The following TP63 variants were observed in gnomAD, a reference collection of about 807,000 sequenced individuals.
TP63 encodes the protein tumor protein 63.
Under a neutral mutation model 82.8 loss-of-function variants are expected in TP63, and 17 were observed. The observed-to-expected ratio is 0.21, with a 90% CI of 0.14 to 0.31. The LOEUF (loss-of-function observed/expected upper bound fraction) is 0.31. Among genes scored for constraint, TP63 ranks in the 10% least tolerant of loss-of-function variants. TP63 has a pLI of 1.00. For synonymous variants in TP63, 330 were observed against 321.7 expected (o/e 1.03, Z -0.28); for missense variants, 648 against 895.3 (o/e 0.72, Z 3.52).
chr3:189,846,058 G>A (rs1714820920), intron 4 of TP63, among the ~76,000 whole-genome samples: 2 of 152,020 alleles, frequency 1.3e-5, no homozygotes, highest in Admixed American at 6.6e-5. Context: ...CCAGCCAAAA[G>A]CGTGTAATAT....
intron 3 of TP63, among the ~76,000 whole-genome samples, chr3:189,798,014 A>C (rs368616931): frequency 3.3e-5 from 5 of 151,934 alleles, no homozygotes; most frequent in African/African-American, 1.2e-4. Flanking sequence ...TGTACACCAG[A>C]TCCTTCCTCC....
chr3:189,810,580 G>A (rs1340972678), intron 4 of TP63, among the ~76,000 whole-genome samples: 1 of 151,972 alleles, frequency 6.6e-6, no homozygotes, highest in African/African-American at 2.4e-5. Flanking sequence ...CTTAAAAGCC[G>A]GGCGTGGTGG....
intron 4 of TP63, among the ~76,000 whole-genome samples, chr3:189,809,307 T>A (rs1322127465): frequency 1.3e-5 from 2 of 152,164 alleles, no homozygotes; most frequent in Admixed American, 1.3e-4. Flanking sequence ...GAAATTGTTT[T>A]AAAAAATCTT....
chr3:189,768,819 G>A (rs933930008), intron 3 of TP63, among the ~76,000 whole-genome samples: 5 of 152,134 alleles, frequency 3.3e-5, no homozygotes, highest in African/African-American at 1.2e-4. Flanking sequence ...AACGGATAAA[G>A]CATGGAGCTG....
At chr3:189,738,583 A>G in intron 2 of TP63, 59 bp from the exon 3 acceptor site, 2 of 1,612,958 alleles carry the variant, frequency 1.2e-6, no homozygotes, top group Admixed American at 1.7e-5. Context: ...TAACAACAGC[A>G]TGAGTATATT....
At chr3:189,716,255 C>G (rs1250762411) in intron 1 of TP63, among the ~76,000 whole-genome samples, 2 of 152,100 alleles carry the variant, frequency 1.3e-5, no homozygotes, top group African/African-American at 4.8e-5. Context: ...GTATAATGTC[C>G]AATTTTATAA....
chr3:189,808,209 T>G, intron 3 of TP63, 63 bp from the exon 4 acceptor site: 1 of 1,614,138 alleles, frequency 6.2e-7, no homozygotes, highest in South Asian at 1.1e-5. Flanking sequence ...ATGGATGCCT[T>G]TTTTTGGAGC....
chr3:189,766,874 A>G (rs1173059120), intron 3 of TP63, among the ~76,000 whole-genome samples: 2 of 152,118 alleles, frequency 1.3e-5, no homozygotes, highest in African/African-American at 4.8e-5. Context: ...CTTGGTTGCA[A>G]TTGTTCTTTG....
At chr3:189,665,637 A>ATATGAAGTTATTT in intron 1 of TP63, among the ~76,000 whole-genome samples, 1 of 152,078 alleles carries the variant, frequency 6.6e-6, no homozygotes, top group Non-Finnish European at 1.5e-5. Flanking sequence ...AACACTAATT[A>ATATGAAGTTATTT]ATTCTGGAGT....
At chr3:189,847,615 A>G (rs1715059485) in intron 4 of TP63, among the ~76,000 whole-genome samples, 2 of 152,198 alleles carry the variant, frequency 1.3e-5, no homozygotes, top group South Asian at 2.1e-4. Context: ...TTAGATTTGC[A>G]TAATGCAAAG....
At chr3:189,642,932 T>G (rs1480878118) in intron 1 of TP63, among the ~76,000 whole-genome samples, 1 of 152,140 alleles carries the variant, frequency 6.6e-6, no homozygotes, top group African/African-American at 2.4e-5. Flanking sequence ...AGAGGAAATA[T>G]ATTTCCAAGT....
chr3:189,640,818 C>A (rs1711786033), intron 1 of TP63, among the ~76,000 whole-genome samples: 1 of 152,052 alleles, frequency 6.6e-6, no homozygotes, highest in Admixed American at 6.6e-5. Flanking sequence ...CCTGAAAAAG[C>A]TAAAAATATT....
At chr3:189,821,830 A>T (rs1205766073) in intron 4 of TP63, among the ~76,000 whole-genome samples, 1 of 152,228 alleles carries the variant, frequency 6.6e-6, no homozygotes, top group Non-Finnish European at 1.5e-5. Context: ...TAATTACGAG[A>T]TATCGTATAA....
chr3:189,643,942 C>G (rs1577165407), intron 1 of TP63, among the ~76,000 whole-genome samples: 1 of 152,200 alleles, frequency 6.6e-6, no homozygotes, highest in Non-Finnish European at 1.5e-5. Context: ...TGACAATACA[C>G]TGATCTTCAG....
intron 3 of TP63, among the ~76,000 whole-genome samples, chr3:189,771,061 G>A (rs1369805163): frequency 6.6e-6 from 1 of 151,480 alleles, no homozygotes; most frequent in Non-Finnish European, 1.5e-5. Flanking sequence ...TTAATTAACT[G>A]TTATGAAAAG....
At chr3:189,754,477 A>T (rs1042533316) in intron 3 of TP63, among the ~76,000 whole-genome samples, 1 of 152,200 alleles carries the variant, frequency 6.6e-6, no homozygotes, top group Admixed American at 6.5e-5. Context: ...TGAACATATC[A>T]GTGGCCTACT....
chr3:189,781,292 G>T (rs529241463), intron 3 of TP63, among the ~76,000 whole-genome samples: 2 of 152,192 alleles, frequency 1.3e-5, no homozygotes, highest in Non-Finnish European at 2.9e-5. Flanking sequence ...GTGAAAACGG[G>T]GTTCTTGGAG....
At chr3:189,656,473 A>G (rs1713373358) in intron 1 of TP63, among the ~76,000 whole-genome samples, 1 of 152,080 alleles carries the variant, frequency 6.6e-6, no homozygotes, top group South Asian at 2.1e-4. Flanking sequence ...CAATGAATAA[A>G]AAGAGTTTCA....
chr3:189,689,514 C>T (rs1716745433), intron 1 of TP63, among the ~76,000 whole-genome samples: 1 of 152,014 alleles, frequency 6.6e-6, no homozygotes, highest in South Asian at 2.1e-4. Flanking sequence ...TGTTCTACAA[C>T]AAAAATTCTT....
Sources: gnomAD v4.1 joint callset for allele counts (sites outside exome capture counted in the v4.1 genomes callset) on GRCh38, gnomAD v4.1.1 for gene constraint, MANE v1.5 for transcripts, NCBI Gene and HGNC (gene_info 2026-07-23, HGNC 2026-07-21) for gene names.